NXPE2: variants seen among roughly 807,000 people sequenced by gnomAD.
The protein encoded by NXPE2 is NXPE family member 2.
A neutral mutation model predicts 34.4 loss-of-function variants in NXPE2; 34 were observed. The ratio of observed to expected loss-of-function variants is 0.99; its 90% CI spans 0.75 to 1.31. The LOEUF is 1.31. NXPE2 is among the 40% of genes most tolerant of loss of function. The pLI is 0.00. For missense variants in NXPE2, 649 were observed against 672.5 expected, an observed-to-expected ratio of 0.97 and a Z score of 0.39; for synonymous variants, 235 against 231.3, an observed-to-expected ratio of 1.02 and a Z score of -0.15.
chr11:114,736,045 G>A, the NXPE2 span, among the ~76,000 whole-genome samples: 1 of 152,162 alleles, frequency 6.6e-6, no homozygotes, highest in Non-Finnish European at 1.5e-5. Context: ...GGGAGGGAGT[G>A]TATGAATAGG....
the NXPE2 span, among the ~76,000 whole-genome samples, chr11:114,777,560 C>A: frequency 6.6e-6 from 1 of 152,112 alleles, no homozygotes; most frequent in Non-Finnish European, 1.5e-5. Flanking sequence ...TTGTATTGGG[C>A]AGGATGAGGC....
the NXPE2 span, among the ~76,000 whole-genome samples, chr11:114,553,308 A>G: frequency 6.6e-6 from 1 of 152,182 alleles, no homozygotes; most frequent in Non-Finnish European, 1.5e-5. Context: ...AGAGTCCCTC[A>G]TTCGAGAGGA....
rs1951293263 is a variant in NXPE2 at position 114,698,127 on chromosome 11, G to A, written c.215G>A (p.Cys72Tyr). Residue 72 changes from cysteine (C) to tyrosine (Y), a missense_variant, in exon 3 of 6, where the codon TGT becomes TAT. Coordinates refer to ENST00000389586, the MANE Select transcript of NXPE2 (RefSeq NM_182495.6). Reference sequence around the variant, plus strand: ...TATTCACACTCTGAAACACCACTGTGTCCAGCAGTTTCACCAAAAGAGACT... The same window carrying A: ...TATTCACACTCTGAAACACCACTGTATCCAGCAGTTTCACCAAAAGAGACT... ...KKYSHSETPLCPAVSPKETEL... is the reference protein window; with the variant it reads ...KKYSHSETPLYPAVSPKETEL... 1.2e-6 allele frequency: 2 copies of A among 1,613,894 alleles called. 1 individual carries two copies. Among genetic ancestry groups the A allele is most frequent in the South Asian group, 2.2e-5 (2 of 91,062 alleles).
At chr11:114,616,060 G>A in the NXPE2 span, among the ~76,000 whole-genome samples, 148 of 151,790 alleles carry the variant, frequency 9.8e-4, 5 homozygotes, top group African/African-American at 3.6e-3. Context: ...AATAAGTATT[G>A]CCTCATGGGT....
chr11:114,465,218 G>T, the NXPE2 span, among the ~76,000 whole-genome samples: 2 of 152,252 alleles, frequency 1.3e-5, no homozygotes, highest in Non-Finnish European at 2.9e-5. Flanking sequence ...TGCACAAGAA[G>T]ACAAGTGTGA....
At chr11:114,568,028 T>G in the NXPE2 span, among the ~76,000 whole-genome samples, 1 of 152,130 alleles carries the variant, frequency 6.6e-6, no homozygotes, top group Non-Finnish European at 1.5e-5. Context: ...ACACAGACAT[T>G]GCCACAGTGT....
chr11:114,743,841 A>G, the NXPE2 span, among the ~76,000 whole-genome samples: 1 of 151,374 alleles, frequency 6.6e-6, no homozygotes, highest in Non-Finnish European at 1.5e-5. Context: ...ATATGTGTAT[A>G]TATACATATG....
the NXPE2 span, among the ~76,000 whole-genome samples, chr11:114,536,762 A>G: frequency 6.6e-6 from 1 of 152,200 alleles, no homozygotes; most frequent in East Asian, 1.9e-4. Context: ...TAGACCAATA[A>G]CAGGCTCTGA....
chr11:114,499,981 A>G, the NXPE2 span, among the ~76,000 whole-genome samples: 2 of 151,450 alleles, frequency 1.3e-5, no homozygotes, highest in South Asian at 2.1e-4. Flanking sequence ...GCTGAGTAGC[A>G]TTCCATGGTA....
the NXPE2 span, among the ~76,000 whole-genome samples, chr11:114,641,695 G>A: frequency 6.6e-6 from 1 of 152,066 alleles, no homozygotes; most frequent in Non-Finnish European, 1.5e-5. Flanking sequence ...AAACAATAGA[G>A]ATGATCAACA....
chr11:114,560,101 G>T, the NXPE2 span, among the ~76,000 whole-genome samples: 4 of 152,152 alleles, frequency 2.6e-5, no homozygotes, highest in African/African-American at 9.6e-5. Context: ...AAACCTCTTA[G>T]TTCTGAAACA....
the NXPE2 span, among the ~76,000 whole-genome samples, chr11:114,578,259 T>C: frequency 6.6e-6 from 1 of 152,348 alleles, no homozygotes; most frequent in Non-Finnish European, 1.5e-5. Context: ...TTCACTCTGC[T>C]TCCAACTTAC....
chr11:114,634,686 A>T, the NXPE2 span, among the ~76,000 whole-genome samples: 2 of 152,030 alleles, frequency 1.3e-5, no homozygotes, highest in East Asian at 3.9e-4. Context: ...ACATATCGCT[A>T]GTTGGTTTTC....
the NXPE2 span, among the ~76,000 whole-genome samples, chr11:114,503,484 T>G: frequency 7.2e-5 from 11 of 152,056 alleles, no homozygotes; most frequent in Admixed American, 3.3e-4. Flanking sequence ...AACTGAATTC[T>G]GTGAAAAAGA....
At chr11:114,651,933 A>C in the NXPE2 span, among the ~76,000 whole-genome samples, 1 of 152,172 alleles carries the variant, frequency 6.6e-6, no homozygotes, top group Non-Finnish European at 1.5e-5. Flanking sequence ...ACAAAGAAAC[A>C]AACCAAATTA....
chr11:114,642,984 G>T, the NXPE2 span, among the ~76,000 whole-genome samples: 1 of 152,044 alleles, frequency 6.6e-6, no homozygotes, highest in Admixed American at 6.6e-5. Context: ...TGGTTTTGTG[G>T]TTTTGATTTG....
the NXPE2 span, among the ~76,000 whole-genome samples, chr11:114,563,756 C>T: frequency 1.1e-4 from 17 of 152,072 alleles, no homozygotes; most frequent in African/African-American, 3.6e-4. Context: ...AAATACAAAT[C>T]GAAACCACAG....
chr11:114,738,018 C>T, the NXPE2 span, among the ~76,000 whole-genome samples: 2 of 152,174 alleles, frequency 1.3e-5, no homozygotes, highest in African/African-American at 4.8e-5. Context: ...GCCCGGGGGG[C>T]GGAGGCTGCG....
chr11:114,558,014 T>C, the NXPE2 span, among the ~76,000 whole-genome samples: 1 of 152,050 alleles, frequency 6.6e-6, no homozygotes, highest in Non-Finnish European at 1.5e-5. Context: ...GCTTTCTCTC[T>C]AGAATCTAGA....
Sources: gnomAD v4.1 joint callset for allele counts (sites outside exome capture counted in the v4.1 genomes callset) on GRCh38, gnomAD v4.1.1 for gene constraint, MANE v1.5 for transcripts, NCBI Gene and HGNC (gene_info 2026-07-23, HGNC 2026-07-21) for gene names.